The following TMOD3 variants were observed in gnomAD, a reference collection of about 807,000 sequenced individuals.
The protein encoded by TMOD3 is tropomodulin 3.
A neutral mutation model predicts 39.2 loss-of-function variants in TMOD3; 20 were observed. That is an observed-to-expected ratio of 0.51 (90% confidence interval 0.36 to 0.74). The LOEUF is 0.74. TMOD3 is among the 30% of genes least tolerant of loss of function. The pLI, the probability that TMOD3 is intolerant of heterozygous loss-of-function variation, is 0.00. For missense variants in TMOD3, 381 were observed against 412.8 expected (o/e 0.92, Z 0.67); for synonymous variants, 143 against 145.8 (o/e 0.98, Z 0.14).
chr15:51,893,924 A>G lies in TMOD3; in HGVS notation c.606A>G (p.Glu202=). 1 of 1,606,554 alleles carries G rather than the reference A, an allele frequency of 6.2e-7. No homozygotes were observed. Among genetic ancestry groups the G allele is most frequent in the Admixed American group, 1.7e-5 (1 of 59,420 alleles). Residue 202 remains glutamate, a synonymous_variant, in exon 6 of 10, where the codon GAA becomes GAG. Coordinates refer to ENST00000308580, the MANE Select transcript of TMOD3 (RefSeq NM_014547.5). ...AAGAAAACGATGCTCATCTTGTTGA[A>G]GTTAATTTGAATAATATAAAGGTAA... The part of the protein sequence containing the change: ...RTKENDAHLV[E]VNLNNIKNIP...
chr15:51,867,820 G>A (rs538117960), intron 2 of TMOD3, among the ~76,000 whole-genome samples: 1 of 152,290 alleles, frequency 6.6e-6, no homozygotes, highest in Admixed American at 6.5e-5. Flanking sequence ...TGAAAGGACG[G>A]TACTCACTTT....
At chr15:51,902,386 C>G (rs1195689673) in intron 9 of TMOD3, among the ~76,000 whole-genome samples, 1 of 152,030 alleles carries the variant, frequency 6.6e-6, no homozygotes, top group Admixed American at 6.6e-5. Flanking sequence ...TCAAGCGGAC[C>G]CAGATAGAAA....
chr15:51,872,574 A>T (rs114649696), intron 3 of TMOD3, among the ~76,000 whole-genome samples: 1 of 148,096 alleles, frequency 6.8e-6, no homozygotes, highest in African/African-American at 2.5e-5. Flanking sequence ...TGCCTATGTC[A>T]TATATTTTTT....
intron 1 of TMOD3, chr15:51,859,722 G>T: frequency 2.1e-6 from 1 of 486,498 alleles, no homozygotes; most frequent in East Asian, 4.9e-5. Context: ...GCTATGTCAG[G>T]GCTCTTTGAG....
At chr15:51,886,241 C>T (rs533104990) in intron 3 of TMOD3, among the ~76,000 whole-genome samples, 4 of 152,030 alleles carry the variant, frequency 2.6e-5, no homozygotes, top group African/African-American at 9.6e-5. Context: ...CAGGCCGAGA[C>T]GCTCCTCACT....
chr15:51,887,284 G>GT (rs2056569808), intron 3 of TMOD3, among the ~76,000 whole-genome samples: 2 of 147,746 alleles, frequency 1.4e-5, no homozygotes, highest in African/African-American at 4.9e-5. Flanking sequence ...AGTTTTATAG[G>GT]TTTTTTGTTT....
chr15:51,840,447 G>A (rs893075090), intron 1 of TMOD3, among the ~76,000 whole-genome samples: 17 of 152,154 alleles, frequency 1.1e-4, no homozygotes, highest in African/African-American at 3.9e-4. Flanking sequence ...TCTAAGTGAT[G>A]TATATATGTT....
intron 2 of TMOD3, among the ~76,000 whole-genome samples, chr15:51,866,765 C>T (rs2056449114): frequency 6.6e-6 from 1 of 152,166 alleles, no homozygotes; most frequent in South Asian, 2.1e-4. Context: ...TTGGGGGCAA[C>T]TTGTAGACCC....
intron 6 of TMOD3, among the ~76,000 whole-genome samples, chr15:51,894,672 G>T (rs1310663615): frequency 6.6e-6 from 1 of 152,124 alleles, no homozygotes; most frequent in Non-Finnish European, 1.5e-5. Flanking sequence ...GAATCCTATA[G>T]TATGTAGCCT....
chr15:51,893,051 T>G (rs989564548), intron 5 of TMOD3, among the ~76,000 whole-genome samples: 3 of 151,962 alleles, frequency 2.0e-5, no homozygotes, highest in Non-Finnish European at 4.4e-5. Flanking sequence ...ATCCCAGCAC[T>G]TTGGGAGGCC....
At chr15:51,869,577 G>A (rs1327909288) in intron 3 of TMOD3, among the ~76,000 whole-genome samples, 1 of 152,116 alleles carries the variant, frequency 6.6e-6, no homozygotes, top group Non-Finnish European at 1.5e-5. Flanking sequence ...AATGATGTTA[G>A]TGAGGTTTTA....
intron 1 of TMOD3, chr15:51,834,932 T>A (rs1422164909): frequency 6.6e-6 from 1 of 152,240 alleles, no homozygotes; most frequent in Non-Finnish European, 1.5e-5. Flanking sequence ...TGTGCTTATA[T>A]TGTCAGTTTC....
At position 51,908,944 on chromosome 15, in the gene TMOD3, AGTT is replaced by A. The variant is rs1468840575; in HGVS notation, c.*138_*140del. ...TTTTAGTGACATGCATTTTTTTTTT[AGTT>A]GTTATCAAATTGTAAAATCAGTAAT... is the stretch of plus-strand genomic sequence containing the variant. On this transcript the variant is annotated 3_prime_UTR_variant, in exon 10 of 10. Transcript: ENST00000308580. 6.2e-6 allele frequency: 3 copies of A among 482,868 alleles called. No homozygotes were observed. The highest frequency in any genetic ancestry group is 1.1e-5 in the Non-Finnish European group (3 of 273,382). 29.9% of individuals were successfully genotyped at this position (482,868 alleles called of 1,614,324 possible). A position where few individuals can be genotyped will look rare whatever the true frequency, so the allele number is the denominator to read the frequency against.
intron 1 of TMOD3, among the ~76,000 whole-genome samples, chr15:51,847,848 G>A (rs974636235): frequency 6.6e-5 from 10 of 152,164 alleles, no homozygotes; most frequent in Admixed American, 2.0e-4. Flanking sequence ...TGCTTTGAGC[G>A]TGGTGGGTAT....
chr15:51,846,691 G>A (rs1043349083), intron 1 of TMOD3, among the ~76,000 whole-genome samples: 1 of 152,194 alleles, frequency 6.6e-6, no homozygotes, highest in Non-Finnish European at 1.5e-5. Context: ...ATCATATTTG[G>A]TTTTGTTCAC....
At chr15:51,893,184 A>G (rs753019993) in intron 5 of TMOD3, among the ~76,000 whole-genome samples, 5 of 149,792 alleles carry the variant, frequency 3.3e-5, no homozygotes, top group Admixed American at 2.0e-4. Flanking sequence ...ATTCCCAGCT[A>G]CTTGGGAGGC....
chr15:51,906,341 T>C (rs1197682377), intron 9 of TMOD3, among the ~76,000 whole-genome samples: 6 of 152,200 alleles, frequency 3.9e-5, no homozygotes, highest in African/African-American at 1.4e-4. Context: ...CCTGGGCATA[T>C]AGTTCTTTTT....
At position 51,908,070 on chromosome 15, in the gene TMOD3, T is replaced by C. The variant is rs560117157; in HGVS notation, c.1025-706T>C. Among the ~76,000 whole-genome samples, 3 of 152,340 alleles carry C rather than the reference T, an allele frequency of 2.0e-5. No homozygotes were observed. In the South Asian group the frequency reaches 6.2e-4, roughly 32 times the overall value. ...AAAAGAAGGAAAATTCAGAAAGCAG[T>C]AGCAAATCACTTACCTATAAAAATG... is the stretch of plus-strand genomic sequence containing the variant. On this transcript the variant is annotated intron_variant, in intron 9 of 9. Coordinates refer to ENST00000308580, the MANE Select transcript of TMOD3 (RefSeq NM_014547.5).
chr15:51,843,737 A>G (rs962083208), intron 1 of TMOD3, among the ~76,000 whole-genome samples: 1 of 152,180 alleles, frequency 6.6e-6, no homozygotes, highest in African/African-American at 2.4e-5. Flanking sequence ...TTCCTTAGGG[A>G]AAAGGTTTTG....
Sources: allele counts gnomAD v4.1 joint callset (sites outside exome capture counted in the v4.1 genomes callset), GRCh38; gene constraint gnomAD v4.1.1; transcripts MANE v1.5; gene names NCBI Gene and HGNC (gene_info 2026-07-23, HGNC 2026-07-21).